The following DAPK1 variants were observed in gnomAD, a reference collection of about 807,000 sequenced individuals.
DAPK1 encodes death-associated protein kinase 1.
Under a neutral mutation model 144.9 loss-of-function variants are expected in DAPK1, and 56 were observed. The ratio of observed to expected loss-of-function variants is 0.39; its 90% CI spans 0.31 to 0.48. DAPK1 has a LOEUF of 0.48. Ranked by LOEUF, DAPK1 falls within the 20% of genes least tolerant of loss-of-function variation. DAPK1 has a pLI of 0.95. For missense variants in DAPK1, 1,454 were observed against 1,875.4 expected, an observed-to-expected ratio of 0.78 and a Z score of 4.15; for synonymous variants, 690 against 749.0, an observed-to-expected ratio of 0.92 and a Z score of 1.29.
intron 2 of DAPK1, among the ~76,000 whole-genome samples, chr9:87,583,889 G>A (rs1183052102): frequency 6.6e-6 from 1 of 152,188 alleles, no homozygotes; most frequent in African/African-American, 2.4e-5. Flanking sequence ...GGAGGTGAGA[G>A]TAACTATGAA....
chr9:87,699,044 C>T (rs1240905306), intron 23 of DAPK1, among the ~76,000 whole-genome samples: 1 of 152,144 alleles, frequency 6.6e-6, no homozygotes, highest in Admixed American at 6.5e-5. Context: ...AGTTGAACAT[C>T]CTAGTTCAAA....
At chr9:87,534,500 C>T (rs1294357517) in intron 2 of DAPK1, among the ~76,000 whole-genome samples, 1 of 152,086 alleles carries the variant, frequency 6.6e-6, no homozygotes, top group Non-Finnish European at 1.5e-5. Flanking sequence ...ATTCCATTTC[C>T]AACCTGAGGA....
At chr9:87,640,669 T>A in intron 8 of DAPK1, 133 bp from the exon 9 acceptor site, 1 of 1,077,748 alleles carries the variant, frequency 9.3e-7, no homozygotes, top group South Asian at 1.3e-5. Flanking sequence ...AAAAGACCGA[T>A]GTTGTTTTTG....
chr9:87,648,826 G>A lies in DAPK1; in HGVS notation c.1375G>A (p.Asp459Asn), dbSNP rs754371924. 5.7e-5 allele frequency: 92 copies of A among 1,614,138 alleles called. No individual in the cohort carries two copies. The highest frequency in any genetic ancestry group is 7.7e-5 in the Non-Finnish European group (91 of 1,180,052). ...CGTGGCAGCTCGCTATGGCCATGCTGACGTGGCTCAGTTACTGTGCAGCTT... is the reference window on the plus strand; with the variant it reads ...CGTGGCAGCTCGCTATGGCCATGCTAACGTGGCTCAGTTACTGTGCAGCTT... ...LHVAARYGHA[D>N]VAQLLCSFGS... Residue 459 changes from aspartate (D) to asparagine (N), a missense_variant, in exon 15 of 26, where the codon GAC becomes AAC. This residue lies in a region of DAPK1 where 429 missense variants were observed against 637.5 expected (regional missense o/e 0.67). Coordinates refer to ENST00000408954, the MANE Select transcript of DAPK1 (RefSeq NM_004938.4).
At chr9:87,594,216 G>C (rs901860148) in intron 2 of DAPK1, among the ~76,000 whole-genome samples, 12 of 152,110 alleles carry the variant, frequency 7.9e-5, no homozygotes, top group African/African-American at 2.9e-4. Context: ...TGTTTAGATT[G>C]TATCAGGTTA....
At chr9:87,614,018 G>A (rs1463728822) in intron 3 of DAPK1, among the ~76,000 whole-genome samples, 1 of 152,170 alleles carries the variant, frequency 6.6e-6, no homozygotes, top group Non-Finnish European at 1.5e-5. Flanking sequence ...AGTGCATTTG[G>A]CAGCAGTCTC....
At chr9:87,687,865 T>C (rs1247029332) in intron 21 of DAPK1, among the ~76,000 whole-genome samples, 1 of 152,206 alleles carries the variant, frequency 6.6e-6, no homozygotes, top group East Asian at 1.9e-4. Flanking sequence ...GGTGTCTCAC[T>C]GTGGTTTTGA....
intron 2 of DAPK1, among the ~76,000 whole-genome samples, chr9:87,564,734 C>T (rs374204131): frequency 1.3e-5 from 2 of 152,176 alleles, no homozygotes; most frequent in Non-Finnish European, 2.9e-5. Flanking sequence ...CCCACAATAA[C>T]TGCATTAATT....
chr9:87,505,693 C>T (rs559140494), intron 2 of DAPK1, among the ~76,000 whole-genome samples: 152 of 147,162 alleles, frequency 1.0e-3, no homozygotes, highest in African/African-American at 3.8e-3. Flanking sequence ...CTGTGCCTGG[C>T]CTTTTGCATT....
rs200582513 is a variant in DAPK1, at chr9:87,706,128, G to A, written c.3061-4G>A. On this transcript the variant is annotated splice_region_variant and splice_polypyrimidine_tract_variant and intron_variant, in intron 25 of 25. Coordinates refer to ENST00000408954, the MANE Select transcript of DAPK1 (RefSeq NM_004938.4). The surrounding 1 kb of genome is among the most constrained non-coding windows in gnomAD (Gnocchi z 9.0). ...AAGCGTGACTTTCTGTTGTCCCCCC[G>A]CAGATCAACATCATGCAAAGTGAAA... 291 of 1,577,912 alleles carry A rather than the reference G, an allele frequency of 1.8e-4. 3 individuals are homozygous for A. In the East Asian group the frequency reaches 3.7e-3, roughly 20 times the overall value.
At chr9:87,582,289 C>T (rs1440507946) in intron 2 of DAPK1, among the ~76,000 whole-genome samples, 3 of 152,076 alleles carry the variant, frequency 2.0e-5, no homozygotes, top group African/African-American at 7.2e-5. Flanking sequence ...TTATAAAAGG[C>T]TAGGTATGTC....
In DAPK1 at chr9:87,686,603, G is replaced by A; in HGVS notation, c.2277G>A (p.Arg759=). Residue 759 remains arginine, a synonymous_variant, in exon 21 of 26, where the codon AGG becomes AGA. Coordinates refer to ENST00000408954, the MANE Select transcript of DAPK1 (RefSeq NM_004938.4). The surrounding 1 kb of genome is among the most constrained non-coding windows in gnomAD (Gnocchi z 4.2). ...CAGGCTGCGAGAACGTGAGTGTGAG[G>A]AGCCGCAGCATGATGTTCGAGCCGG... ...LYPGCENVSV[R]SRSMMFEPGL... 2 of 1,603,510 alleles carry A rather than the reference G, an allele frequency of 1.2e-6. No homozygotes were observed. Among genetic ancestry groups the A allele is most frequent in the African/African-American group, 1.3e-5 (1 of 74,860 alleles).
chr9:87,505,569 G>GT (rs1424411334), intron 2 of DAPK1, among the ~76,000 whole-genome samples: 1 of 151,964 alleles, frequency 6.6e-6, no homozygotes, highest in Admixed American at 6.6e-5. Context: ...CTTATTTTTT[G>GT]TATTTTTAGT....
chr9:87,686,668 C>T lies in DAPK1; in HGVS notation c.2342C>T (p.Thr781Ile). 2.5e-6 allele frequency: 4 copies of T among 1,612,928 alleles called. No homozygotes were observed. The highest frequency in any genetic ancestry group is 3.4e-6 in the Non-Finnish European group (4 of 1,178,990). The part of the protein sequence containing the change: ...KGMLEVFVAP[T>I]HHPHCSADDQ... ...ATGCTGGAGGTGTTTGTGGCCCCGA[C>T]CCACCACCCGCACTGCTCGGCCGAT... is the stretch of plus-strand genomic sequence containing the variant. Residue 781 changes from threonine (T) to isoleucine (I), a missense_variant, in exon 21 of 26, where the codon ACC becomes ATC. By Grantham distance (89) the Thr-to-Ile change is moderately conservative. Coordinates refer to ENST00000408954, the MANE Select transcript of DAPK1 (RefSeq NM_004938.4). The surrounding 1 kb of genome is among the most constrained non-coding windows in gnomAD (Gnocchi z 4.2).
chr9:87,503,991 A>G (rs1480574714), intron 2 of DAPK1, among the ~76,000 whole-genome samples: 3 of 152,216 alleles, frequency 2.0e-5, no homozygotes, highest in Non-Finnish European at 2.9e-5. Context: ...TGGCAGTCCA[A>G]GTGCTTCTCT....
chr9:87,642,115 T>C, intron 10 of DAPK1, 57 bp downstream of exon 10: 3 of 1,455,140 alleles, frequency 2.1e-6, no homozygotes, highest in Non-Finnish European at 2.9e-6. Flanking sequence ...TAGAGTAGTG[T>C]GTGGTCAGGG....
At chr9:87,687,267 T>A (rs1387043190) in intron 21 of DAPK1, among the ~76,000 whole-genome samples, 1 of 152,166 alleles carries the variant, frequency 6.6e-6, no homozygotes, top group Non-Finnish European at 1.5e-5. Flanking sequence ...AACCAACCTA[T>A]CTTCATTCCC....
chr9:87,571,514 CACACACACACACA>C (rs1446756739), intron 2 of DAPK1, among the ~76,000 whole-genome samples: 6 of 147,386 alleles, frequency 4.1e-5, no homozygotes, highest in African/African-American at 1.5e-4. Context: ...CACACACACA[CACACACACACACA>C]CCAGAAGCGA....
intron 24 of DAPK1, 55 bp downstream of exon 24, chr9:87,700,292 C>T (rs1825416658): frequency 5.9e-6 from 9 of 1,515,684 alleles, no homozygotes; most frequent in Non-Finnish European, 8.2e-6. Context: ...CCTGGTTTGC[C>T]TCTGGTTTCA....
Sources: gnomAD v4.1 joint callset for allele counts (sites outside exome capture counted in the v4.1 genomes callset) on GRCh38, gnomAD v4.1.1 for gene constraint, gnomAD v4.1.1 regional missense constraint, Gnocchi (gnomAD v3.1) non-coding constraint, MANE v1.5 for transcripts, NCBI Gene and HGNC (gene_info 2026-07-23, HGNC 2026-07-21) for gene names.